KIAA2012: variants seen among roughly 807,000 people sequenced by gnomAD.
The protein encoded by KIAA2012 is uncharacterized protein KIAA2012.
KIAA2012 carries 125 observed loss-of-function variants against 150.6 expected under a neutral mutation model. That is an observed-to-expected ratio of 0.83 (90% CI 0.72 to 0.96). KIAA2012 has a LOEUF of 0.96. KIAA2012 is among the 40% of genes least tolerant of loss of function. KIAA2012 has a pLI of 0.00. For missense variants in KIAA2012, 1,219 were observed against 1,354.9 expected, an observed-to-expected ratio of 0.90 and a Z score of 1.57; for synonymous variants, 462 against 504.7, an observed-to-expected ratio of 0.92 and a Z score of 1.13.
intron 15 of KIAA2012, among the ~76,000 whole-genome samples, chr2:202,176,361 T>A (rs1328566989): frequency 1.3e-5 from 2 of 152,084 alleles, no homozygotes; most frequent in East Asian, 1.9e-4. Context: ...CAGGCCCGGC[T>A]AATTTTTGTA....
At chr2:202,123,991 C>A (rs1690715965) in intron 11 of KIAA2012, among the ~76,000 whole-genome samples, 1 of 152,120 alleles carries the variant, frequency 6.6e-6, no homozygotes, top group South Asian at 2.1e-4. Flanking sequence ...GAGGTCGAGA[C>A]CAGCCTGGCC....
chr2:202,091,040 C>G (rs1411395930), intron 3 of KIAA2012, 111 bp downstream of exon 3: 1 of 1,388,746 alleles, frequency 7.2e-7, no homozygotes, highest in Non-Finnish European at 9.6e-7. Context: ...AAGCCCAATT[C>G]TGTGTTAAAG....
rs1428500522 is a variant in KIAA2012 at position 202,109,700 on chromosome 2, G to A, written c.1562G>A (p.Gly521Asp). The change falls in exon 10 of 24, where the codon GGC (glycine) becomes GAC (aspartate). Residue 521 changes from glycine (G) to aspartate (D), a missense_variant. Gly to Asp is a moderately conservative substitution (Grantham distance 94). Transcript: ENST00000498697. Reference sequence around the variant, plus strand: ...AAAAAAAGTCCTGAGAGCCAGAAGGGCGTGGACAGCCCTAGGACATCAGAC... The same window carrying A: ...AAAAAAAGTCCTGAGAGCCAGAAGGACGTGGACAGCCCTAGGACATCAGAC... ...KGKKSPESQK[G>D]VDSPRTSDHN... 1.2e-5 allele frequency: 18 copies of A among 1,550,468 alleles called. No homozygotes were observed. The highest frequency in any genetic ancestry group is 2.0e-5 in the Admixed American group (1 of 50,980).
At position 202,074,911 on chromosome 2, in the gene KIAA2012, C is replaced by T. The variant is rs1349400471; in HGVS notation, c.105C>T (p.Ser35=). The part of the protein sequence containing the change: ...FEPEDYLNWR[S]PEDYVPVSKP... ...TGCAGGATTACTTGAACTGGAGGTC[C>T]CCAGAAGACTATGTTCCTGTCAGCA... Residue 35 remains serine, a synonymous_variant, in exon 2 of 24, where the codon TCC becomes TCT. Coordinates refer to ENST00000498697, the MANE Select transcript of KIAA2012 (RefSeq NM_001277372.4). 4 of 1,549,292 alleles carry T rather than the reference C, an allele frequency of 2.6e-6. No homozygotes were observed. The African/African-American group carries it at 4.1e-5, about 16-fold the overall frequency.
In KIAA2012 at chr2:202,100,433, A is replaced by T; in HGVS notation, c.1139A>T (p.Glu380Val). 2 of 1,549,852 alleles carry T rather than the reference A, an allele frequency of 1.3e-6. No homozygotes were observed. Among genetic ancestry groups the T allele is most frequent in the Non-Finnish European group, 1.7e-6 (2 of 1,146,580 alleles). ...ATGSRIITPG[E>V]VKKKKAPKAL... Reference sequence around the variant, plus strand: ...GGCTCCAGAATAATCACCCCTGGGGAAGTGAAGAAGAAAAAGGTTGTGTGT... The same window carrying T: ...GGCTCCAGAATAATCACCCCTGGGGTAGTGAAGAAGAAAAAGGTTGTGTGT... Residue 380 changes from glutamate (E) to valine (V), a missense_variant, in exon 7 of 24, where the codon GAA becomes GTA. Physicochemically the swap from Glu to Val is moderately radical, Grantham distance 121 (BLOSUM62 -2). Coordinates refer to ENST00000498697, the MANE Select transcript of KIAA2012 (RefSeq NM_001277372.4).
chr2:202,188,847 C>G (rs1692277294), intron 18 of KIAA2012, among the ~76,000 whole-genome samples: 1 of 152,202 alleles, frequency 6.6e-6, no homozygotes, highest in South Asian at 2.1e-4. Context: ...CGGTTTCTGT[C>G]TTGGTTCCCT....
intron 2 of KIAA2012, among the ~76,000 whole-genome samples, chr2:202,083,654 C>A (rs776228072): frequency 5.3e-5 from 8 of 151,286 alleles, no homozygotes; most frequent in South Asian, 2.1e-4. Context: ...ATCGAGCCAA[C>A]GTCTGAGTAG....
chr2:202,160,370 G>T, intron 14 of KIAA2012, among the ~76,000 whole-genome samples: 1 of 140,748 alleles, frequency 7.1e-6, no homozygotes, highest in Non-Finnish European at 1.5e-5. Flanking sequence ...CTAGAGTTCA[G>T]TGGCGTGATC....
chr2:202,093,278 G>C, intron 4 of KIAA2012, 93 bp downstream of exon 4: 6 of 1,318,438 alleles, frequency 4.6e-6, no homozygotes, highest in Non-Finnish European at 6.3e-6. Flanking sequence ...ACAAGGTCTT[G>C]AGATTCTGGG....
At chr2:202,162,807 A>G (rs1279903119) in intron 14 of KIAA2012, among the ~76,000 whole-genome samples, 2 of 150,778 alleles carry the variant, frequency 1.3e-5, no homozygotes, top group East Asian at 2.1e-4. Context: ...GCGGGCGCCT[A>G]TAGTCCCAGC....
At chr2:202,143,269 A>G (rs1351915974) in intron 13 of KIAA2012, among the ~76,000 whole-genome samples, 1 of 151,816 alleles carries the variant, frequency 6.6e-6, no homozygotes, top group Non-Finnish European at 1.5e-5. Flanking sequence ...GTATTTTAGT[A>G]GAGACAGGGT....
chr2:202,127,320 T>C (rs907184052), intron 12 of KIAA2012, among the ~76,000 whole-genome samples: 1 of 152,220 alleles, frequency 6.6e-6, no homozygotes, highest in African/African-American at 2.4e-5. Context: ...ATTCTGAAAC[T>C]TCAGAGAGGT....
intron 15 of KIAA2012, among the ~76,000 whole-genome samples, chr2:202,169,585 C>T (rs1423340869): frequency 6.6e-6 from 1 of 152,188 alleles, no homozygotes; most frequent in East Asian, 1.9e-4. Flanking sequence ...TAATTCGTGG[C>T]TAGTGTACCA....
chr2:202,099,707 G>A lies in KIAA2012; in HGVS notation c.923G>A (p.Gly308Asp), dbSNP rs2105920872. The A allele has an allele frequency of 1.3e-6, 2 of 1,550,612 alleles. No homozygotes were observed. Among genetic ancestry groups the A allele is most frequent in the East Asian group, 4.9e-5 (2 of 40,916 alleles). The change falls in exon 6 of 24, where the codon GGC becomes GAC. Residue 308 changes from glycine (G) to aspartate (D), a missense_variant. Gly to Asp is a moderately conservative substitution (Grantham distance 94). Coordinates refer to ENST00000498697, the MANE Select transcript of KIAA2012 (RefSeq NM_001277372.4). Reference protein sequence around the residue: ...QQTSRKAFGHGRIDHSWLPSD... With the variant: ...QQTSRKAFGHDRIDHSWLPSD... ...ACCTCCAGGAAGGCCTTTGGGCATGGCCGCATCGATCACTCTTGGCTCCCA... is the reference window on the plus strand; with the variant it reads ...ACCTCCAGGAAGGCCTTTGGGCATGACCGCATCGATCACTCTTGGCTCCCA...
chr2:202,079,836 A>T (rs1205184904), intron 2 of KIAA2012, among the ~76,000 whole-genome samples: 4 of 152,200 alleles, frequency 2.6e-5, no homozygotes, highest in African/African-American at 9.7e-5. Context: ...TAGCTATAAA[A>T]CCTAAGTAAT....
intron 2 of KIAA2012, among the ~76,000 whole-genome samples, chr2:202,089,377 C>T (rs1689661122): frequency 6.6e-6 from 1 of 152,176 alleles, no homozygotes; most frequent in Non-Finnish European, 1.5e-5. Flanking sequence ...TGCTTCGAAA[C>T]ATCTTTATTT....
chr2:202,097,527 T>C lies in KIAA2012; in HGVS notation c.778T>C (p.Leu260=). The change falls in exon 5 of 24, where the codon TTG becomes CTG. Residue 260 remains leucine (L), a synonymous_variant. Coordinates refer to ENST00000498697, the MANE Select transcript of KIAA2012 (RefSeq NM_001277372.4). ...AKNHGSQGTR[L]PPRRKQPWQE... ...GAACCATGGCAGTCAGGGGACTCGCTTGCCACCACGCAGGAAGCAGCCCTG... is the reference window on the plus strand; with the variant it reads ...GAACCATGGCAGTCAGGGGACTCGCCTGCCACCACGCAGGAAGCAGCCCTG... 6.5e-7 allele frequency: 1 copy of C among 1,550,026 alleles called. No homozygotes were observed.
At chr2:202,174,894 C>T (rs1323874541) in intron 15 of KIAA2012, among the ~76,000 whole-genome samples, 4 of 151,928 alleles carry the variant, frequency 2.6e-5, no homozygotes, top group South Asian at 2.1e-4. Context: ...TGCGCTGCAC[C>T]GAGAAATGAC....
chr2:202,193,987 T>G (rs902369060), intron 20 of KIAA2012, among the ~76,000 whole-genome samples: 1 of 152,220 alleles, frequency 6.6e-6, no homozygotes, highest in Non-Finnish European at 1.5e-5. Flanking sequence ...GTACTGAAAC[T>G]TCTAGGCTTC....
Sources: gnomAD v4.1 joint callset for allele counts (sites outside exome capture counted in the v4.1 genomes callset) on GRCh38, gnomAD v4.1.1 for gene constraint, MANE v1.5 for transcripts, NCBI Gene and HGNC (gene_info 2026-07-23, HGNC 2026-07-21) for gene names.